Variants in ERC1 observed in about 807,000 individuals in gnomAD.
ERC1 encodes ELKS/RAB6-interacting/CAST family member 1.
In ERC1, 56 loss-of-function variants were observed where a neutral mutation model predicts 132.0. The observed-to-expected ratio is 0.42, with a 90% CI of 0.34 to 0.53. The LOEUF (loss-of-function observed/expected upper bound fraction) is 0.53. Ranked by LOEUF, ERC1 falls within the 20% of genes least tolerant of loss-of-function variation. The probability of loss-of-function intolerance (pLI) is 0.03; values close to 1 mark genes in which losing one functional copy is unlikely to be tolerated. For missense variants in ERC1, 1,202 were observed against 1,349.9 expected, an observed-to-expected ratio of 0.89 and a Z score of 1.72; for synonymous variants, 478 against 476.1, an observed-to-expected ratio of 1.00 and a Z score of -0.05.
At chr12:1,425,286 C>T (rs2092600697) in intron 17 of ERC1, among the ~76,000 whole-genome samples, 1 of 152,172 alleles carries the variant, frequency 6.6e-6, no homozygotes, top group African/African-American at 2.4e-5. Context: ...AGTGTGATGG[C>T]ATAGCCACAT....
chr12:1,039,346 A>AT (rs965570209), intron 2 of ERC1, among the ~76,000 whole-genome samples: 25 of 149,586 alleles, frequency 1.7e-4, no homozygotes, highest in African/African-American at 5.1e-4. Context: ...TCAAAAAAAA[A>AT]AAAAAATAAA....
intron 15 of ERC1, among the ~76,000 whole-genome samples, chr12:1,352,653 G>A (rs373254574): frequency 6.6e-5 from 10 of 150,748 alleles, no homozygotes; most frequent in African/African-American, 2.0e-4. Flanking sequence ...ATTGACCTTC[G>A]GTCTGAGCTC....
chr12:1,268,273 C>T (rs2077598529), intron 14 of ERC1, among the ~76,000 whole-genome samples: 5 of 151,950 alleles, frequency 3.3e-5, no homozygotes. Flanking sequence ...GTTATATTTC[C>T]CTCATTGTTT....
In ERC1 at chr12:1,099,017, C is replaced by A. The variant is rs373059483; in HGVS notation, c.1087-5733C>A. ...AACAAGTGTCTAGGAGGGATTGGGC[C>A]GTTGCTTTGAATGCTTCTGAGAGTT... On this transcript the variant is annotated intron_variant, in intron 3 of 18. Coordinates refer to ENST00000360905, the MANE Select transcript of ERC1 (RefSeq NM_178040.4). Among the ~76,000 whole-genome samples, 3 of 152,138 alleles carry A rather than the reference C, an allele frequency of 2.0e-5. No homozygotes were observed. In the East Asian group the frequency reaches 5.8e-4, roughly 29 times the overall value.
At chr12:1,156,243 T>G (rs1332592185) in intron 8 of ERC1, among the ~76,000 whole-genome samples, 1 of 152,074 alleles carries the variant, frequency 6.6e-6, no homozygotes, top group Non-Finnish European at 1.5e-5. Flanking sequence ...TTATTTTATT[T>G]ATTTTATTTT....
intron 12 of ERC1, 80 bp downstream of exon 12, chr12:1,190,132 G>C (rs572632247): frequency 4.0e-6 from 5 of 1,240,772 alleles, no homozygotes; most frequent in Non-Finnish European, 4.8e-6. Flanking sequence ...TACTTTTTCA[G>C]TGTATCTAAC....
chr12:1,207,567 C>T (rs1328004313), intron 12 of ERC1, among the ~76,000 whole-genome samples: 1 of 152,166 alleles, frequency 6.6e-6, no homozygotes, highest in African/African-American at 2.4e-5. Flanking sequence ...AACATCTTCT[C>T]TGTTAAATAA....
chr12:1,423,889 C>A (rs1458886328), intron 17 of ERC1, among the ~76,000 whole-genome samples: 2 of 152,102 alleles, frequency 1.3e-5, no homozygotes, highest in Non-Finnish European at 1.5e-5. Flanking sequence ...CTTAAATCAG[C>A]AAGGGGCACT....
chr12:1,039,348 A>T lies in ERC1; in HGVS notation c.669+10776A>T, dbSNP rs562237466. On this transcript the variant is annotated intron_variant, in intron 2 of 18. Coordinates refer to ENST00000360905, the MANE Select transcript of ERC1 (RefSeq NM_178040.4). ...GCGAGACGTTGTCTCAAAAAAAAAA[A>T]AAAATAAAAATAAATAAATAAATAA... Among the ~76,000 whole-genome samples, 82 of 148,808 alleles carry T rather than the reference A, an allele frequency of 5.5e-4. 2 individuals carry two copies. The highest frequency in any genetic ancestry group is 4.9e-3 in the Admixed American group (74 of 15,070).
chr12:1,079,075 T>G (rs867751781), intron 2 of ERC1, among the ~76,000 whole-genome samples: 59 of 140,808 alleles, frequency 4.2e-4, no homozygotes, highest in Middle Eastern at 5.1e-3. Context: ...CAGAGATACA[T>G]ATAGAAATGA....
At chr12:1,062,523 A>C (rs370324780) in intron 2 of ERC1, among the ~76,000 whole-genome samples, 7 of 152,042 alleles carry the variant, frequency 4.6e-5, no homozygotes, top group African/African-American at 1.7e-4. Context: ...TTAGTTTCCA[A>C]AGTTCTTGTT....
intron 7 of ERC1, among the ~76,000 whole-genome samples, chr12:1,122,277 G>T (rs55760493): frequency 0.033 from 39 of 1,174 alleles, no homozygotes; most frequent in East Asian, 0.11. Flanking sequence ...CTCTATCTGT[G>T]TCTCTATCTC....
intron 18 of ERC1, among the ~76,000 whole-genome samples, chr12:1,463,807 C>T (rs1177438710): frequency 6.6e-6 from 1 of 150,918 alleles, no homozygotes; most frequent in Non-Finnish European, 1.5e-5. Flanking sequence ...GCACTTTCTT[C>T]TTCTGTGACA....
At chr12:1,122,816 A>G (rs1947728378) in intron 7 of ERC1, among the ~76,000 whole-genome samples, 1 of 115,470 alleles carries the variant, frequency 8.7e-6, no homozygotes. Context: ...TTGTTGAGTT[A>G]TGGGGTAGGG....
intron 13 of ERC1, among the ~76,000 whole-genome samples, chr12:1,239,559 A>T (rs2075661549): frequency 6.6e-6 from 1 of 152,162 alleles, no homozygotes; most frequent in Non-Finnish European, 1.5e-5. Flanking sequence ...CTCTAAAAAA[A>T]TTTAAGAAAT....
At chr12:1,351,112 T>C (rs758542513) in intron 15 of ERC1, among the ~76,000 whole-genome samples, 12 of 152,032 alleles carry the variant, frequency 7.9e-5, no homozygotes, top group Non-Finnish European at 1.2e-4. Flanking sequence ...TCAACATGAG[T>C]TTTCGTGGGG....
chr12:1,111,910 C>G (rs890508743), intron 5 of ERC1, among the ~76,000 whole-genome samples: 3 of 152,160 alleles, frequency 2.0e-5, no homozygotes, highest in East Asian at 3.9e-4. Flanking sequence ...CTGCGCCTGG[C>G]CTCACATAAC....
At chr12:1,118,789 G>A (rs1327376558) in intron 7 of ERC1, among the ~76,000 whole-genome samples, 1 of 152,158 alleles carries the variant, frequency 6.6e-6, no homozygotes, top group African/African-American at 2.4e-5. Context: ...CATCTTTTCT[G>A]CAGCTATCCC....
intron 15 of ERC1, among the ~76,000 whole-genome samples, chr12:1,298,167 C>G (rs1039326778): frequency 1.3e-5 from 2 of 152,158 alleles, no homozygotes; most frequent in Non-Finnish European, 2.9e-5. Flanking sequence ...AGTACAATTT[C>G]TAATCTAAAT....
Sources: allele counts gnomAD v4.1 joint callset (sites outside exome capture counted in the v4.1 genomes callset), GRCh38; gene constraint gnomAD v4.1.1; transcripts MANE v1.5; gene names NCBI Gene and HGNC (gene_info 2026-07-23, HGNC 2026-07-21).